The following KIF16B variants were observed in gnomAD, a reference collection of about 807,000 sequenced individuals.
KIF16B encodes the protein kinesin family member 16B.
In KIF16B, 98 loss-of-function variants were observed where a neutral mutation model predicts 156.3. The observed-to-expected ratio is 0.63, with a 90% CI of 0.53 to 0.74. The LOEUF is 0.74. KIF16B is among the 30% of genes least tolerant of loss of function. The probability of loss-of-function intolerance (pLI) is 0.00; values close to 1 mark genes in which losing one functional copy is unlikely to be tolerated. For synonymous variants in KIF16B, 564 were observed against 583.7 expected (o/e 0.97, Z 0.49); for missense variants, 1,421 against 1,606.5 (o/e 0.88, Z 1.97).
intron 17 of KIF16B, among the ~76,000 whole-genome samples, chr20:16,389,107 T>C (rs2146145599): frequency 6.6e-6 from 1 of 152,264 alleles, no homozygotes; most frequent in Middle Eastern, 3.4e-3. Flanking sequence ...ATTATCTCAG[T>C]GGGCACATGA....
At chr20:16,320,213 C>G (rs2063754205) in intron 24 of KIF16B, among the ~76,000 whole-genome samples, 1 of 152,124 alleles carries the variant, frequency 6.6e-6, no homozygotes, top group Non-Finnish European at 1.5e-5. Flanking sequence ...AACCAATAAA[C>G]CTAGCCTATA....
At chr20:16,452,653 G>A (rs1378402818) in intron 12 of KIF16B, among the ~76,000 whole-genome samples, 2 of 152,044 alleles carry the variant, frequency 1.3e-5, no homozygotes, top group African/African-American at 2.4e-5. Flanking sequence ...GGCTAACACA[G>A]TGGAACCCCG....
intron 12 of KIF16B, among the ~76,000 whole-genome samples, chr20:16,462,390 C>A (rs1310772072): frequency 6.6e-6 from 1 of 152,210 alleles, no homozygotes; most frequent in Non-Finnish European, 1.5e-5. Context: ...GACTTAACTG[C>A]TACCCATGCT....
At chr20:16,312,773 C>T (rs981063963) in intron 24 of KIF16B, among the ~76,000 whole-genome samples, 3 of 103,444 alleles carry the variant, frequency 2.9e-5, no homozygotes, top group Non-Finnish European at 5.8e-5. Flanking sequence ...AGTCCTCCCA[C>T]CCTTTTTTTT....
chr20:16,358,568 G>A (rs1461463211), intron 22 of KIF16B, among the ~76,000 whole-genome samples: 1 of 152,160 alleles, frequency 6.6e-6, no homozygotes, highest in Admixed American at 6.5e-5. Flanking sequence ...GTTCCCCTAT[G>A]GAAATGGGCA....
chr20:16,542,861 G>A (rs1165366100), intron 1 of KIF16B, among the ~76,000 whole-genome samples: 1 of 152,154 alleles, frequency 6.6e-6, no homozygotes, highest in Admixed American at 6.5e-5. Flanking sequence ...TGGCAAAGTC[G>A]TATTTATATT....
intron 12 of KIF16B, among the ~76,000 whole-genome samples, chr20:16,488,348 T>C (rs1041354777): frequency 2.6e-5 from 4 of 152,230 alleles, no homozygotes; most frequent in African/African-American, 9.6e-5. Flanking sequence ...CTGTGCGTTA[T>C]TTTGAAGCAC....
At position 16,379,014 on chromosome 20, in the gene KIF16B, G is replaced by C; in HGVS notation, c.2988C>G (p.Ser996=). The C allele has an allele frequency of 1.2e-6, 2 of 1,612,762 alleles. No homozygotes were observed. Among genetic ancestry groups the C allele is most frequent in the Non-Finnish European group, 1.7e-6 (2 of 1,179,436 alleles). ...VRKKEKEILE[S]REKQQREALE... ...GCGCCTCTCTCTGCTGCTTCTCTCT[G>C]GACTCCAAAATCTCCTTTTCCTTTT... The change falls in exon 19 of 26, where the codon TCC becomes TCG. Residue 996 remains serine (S), a synonymous_variant. Transcript: ENST00000354981.
At chr20:16,497,474 A>G (rs1184507109) in intron 11 of KIF16B, 139 bp downstream of exon 11, 4 of 681,414 alleles carry the variant, frequency 5.9e-6, no homozygotes, top group Non-Finnish European at 5.2e-6. Context: ...TGCTTCTTCA[A>G]AAATGATCAC....
chr20:16,388,126 G>C (rs1207747035), intron 17 of KIF16B, among the ~76,000 whole-genome samples: 1 of 152,068 alleles, frequency 6.6e-6, no homozygotes, highest in African/African-American at 2.4e-5. Context: ...AAAAATAAGA[G>C]TAACATTTAA....
chr20:16,329,433 A>T (rs2063912078), intron 24 of KIF16B, among the ~76,000 whole-genome samples: 2 of 152,204 alleles, frequency 1.3e-5, no homozygotes, highest in South Asian at 4.1e-4. Context: ...ACTGATTTTA[A>T]TAGAGTCAAA....
chr20:16,283,822 GGAAGAA>G (rs1267048623), intron 25 of KIF16B, among the ~76,000 whole-genome samples: 1 of 152,144 alleles, frequency 6.6e-6, no homozygotes, highest in Non-Finnish European at 1.5e-5. Context: ...GAAGCCCTGG[GGAAGAA>G]CCACTTCCAA....
At chr20:16,389,410 G>T (rs1220474508) in intron 17 of KIF16B, among the ~76,000 whole-genome samples, 1 of 152,162 alleles carries the variant, frequency 6.6e-6, no homozygotes, top group Non-Finnish European at 1.5e-5. Flanking sequence ...CTTTTGCCTG[G>T]AATGCTCGGT....
At chr20:16,296,004 C>T (rs1293398797) in intron 25 of KIF16B, among the ~76,000 whole-genome samples, 3 of 152,188 alleles carry the variant, frequency 2.0e-5, no homozygotes, top group South Asian at 2.1e-4. Context: ...TTCTATCTGA[C>T]GCTTCTCCCA....
chr20:16,281,783 T>C (rs149113510), intron 25 of KIF16B, among the ~76,000 whole-genome samples: 2 of 151,940 alleles, frequency 1.3e-5, no homozygotes. Context: ...GTGCCTCCCC[T>C]CCTCCCCTCA....
intron 11 of KIF16B, among the ~76,000 whole-genome samples, chr20:16,495,362 G>A (rs542774096): frequency 6.6e-6 from 1 of 152,246 alleles, no homozygotes; most frequent in Admixed American, 6.5e-5. Flanking sequence ...TTTTCTATAT[G>A]CCATTAAGCA....
intron 12 of KIF16B, among the ~76,000 whole-genome samples, chr20:16,481,166 G>A (rs1003250612): frequency 6.6e-6 from 1 of 152,098 alleles, no homozygotes; most frequent in Non-Finnish European, 1.5e-5. Flanking sequence ...TTTTTAAAAA[G>A]ATCCCCAGTG....
At chr20:16,495,995 C>T (rs1334401720) in intron 11 of KIF16B, among the ~76,000 whole-genome samples, 1 of 152,152 alleles carries the variant, frequency 6.6e-6, no homozygotes, top group Non-Finnish European at 1.5e-5. Context: ...CTGGCCTGCT[C>T]GTTTTCACTG....
At chr20:16,424,277 G>A (rs2066299129) in intron 15 of KIF16B, among the ~76,000 whole-genome samples, 1 of 152,104 alleles carries the variant, frequency 6.6e-6, no homozygotes, top group African/African-American at 2.4e-5. Flanking sequence ...GAATGGGTGG[G>A]TGGATGGATG....
Sources: allele counts gnomAD v4.1 joint callset (sites outside exome capture counted in the v4.1 genomes callset), GRCh38; gene constraint gnomAD v4.1.1; transcripts MANE v1.5; gene names NCBI Gene and HGNC (gene_info 2026-07-23, HGNC 2026-07-21).